Variants in PPARD observed in about 807,000 individuals in gnomAD.
The protein encoded by PPARD is peroxisome proliferator activated receptor delta.
A neutral mutation model predicts 39.5 loss-of-function variants in PPARD; 6 were observed. The ratio of observed to expected loss-of-function variants is 0.15; its 90% CI spans 0.08 to 0.30. The LOEUF is 0.30. PPARD is among the 10% of genes least tolerant of loss of function. The pLI, the probability that PPARD is intolerant of heterozygous loss-of-function variation, is 1.00. For missense variants in PPARD, 397 were observed against 596.8 expected, an observed-to-expected ratio of 0.67 and a Z score of 3.49; for synonymous variants, 210 against 231.3, an observed-to-expected ratio of 0.91 and a Z score of 0.83.
intron 1 of PPARD, among the ~76,000 whole-genome samples, chr6:35,343,636 G>T (rs1260660211): frequency 6.6e-6 from 1 of 152,238 alleles, no homozygotes; most frequent in Admixed American, 6.5e-5. Flanking sequence ...CATCAGAGAT[G>T]ATGTCCAATT....
In PPARD at chr6:35,424,422, A is replaced by G; in HGVS notation, c.721A>G (p.Ile241Val). Reference sequence around the variant, plus strand: ...GAATGGCCTGCCTCCCTACAAGGAGATCAGCGTGCACGTCTTCTACCGCTG... The same window carrying G: ...GAATGGCCTGCCTCCCTACAAGGAGGTCAGCGTGCACGTCTTCTACCGCTG... ...LVNGLPPYKE[I>V]SVHVFYRCQC... is the part of the protein sequence containing the mutation. The change falls in exon 7 of 8, where the codon ATC becomes GTC. Residue 241 changes from isoleucine to valine, a missense_variant. Transcript: ENST00000360694. The surrounding 1 kb of genome is among the most constrained non-coding windows in gnomAD (Gnocchi z 7.1). 6.2e-7 allele frequency: 1 copy of G among 1,614,106 alleles called. No individual in the cohort carries two copies. Among genetic ancestry groups the G allele is most frequent in the African/African-American group, 1.3e-5 (1 of 75,032 alleles).
At position 35,424,520 on chromosome 6, in the gene PPARD, C is replaced by G. The variant is rs1238302187; in HGVS notation, c.819C>G (p.Leu273=). The change falls in exon 7 of 8, where the codon CTC becomes CTG. Residue 273 remains leucine (L), a synonymous_variant. Transcript: ENST00000360694. This position sits in a 1 kb window ranked among gnomAD's most constrained non-coding sequence, Gnocchi z 7.1. ...AGAGCATCCCCAGCTTCAGCAGCCT[C>G]TTCCTCAACGACCAGGTTACCCTTC... ...FAKSIPSFSS[L]FLNDQVTLLK... is the part of the protein sequence containing the mutation. 6.2e-7 allele frequency: 1 copy of G among 1,614,240 alleles called. No homozygotes were observed. Among genetic ancestry groups the G allele is most frequent in the Non-Finnish European group, 8.5e-7 (1 of 1,180,048 alleles).
intron 2 of PPARD, among the ~76,000 whole-genome samples, chr6:35,404,953 TTGTGTGTG>T (rs59359748): frequency 0.028 from 4,050 of 142,134 alleles, 77 homozygotes; most frequent in South Asian, 0.049. Context: ...ACTGCAGGCT[TTGTGTGTG>T]TGTGTGTGTG....
At chr6:35,345,370 C>T (rs1562162003) in intron 1 of PPARD, among the ~76,000 whole-genome samples, 1 of 152,092 alleles carries the variant, frequency 6.6e-6, no homozygotes, top group Admixed American at 6.6e-5. Context: ...ACTGTAACCT[C>T]GAACTCCTGG....
chr6:35,419,467 G>A lies in PPARD; in HGVS notation c.131-660G>A, dbSNP rs760546487. Reference sequence around the variant, plus strand: ...CACCCCGTGGTTCAAACATCTATACGTCTGATAGAAAAACTTGGAGAAATT... The same window carrying A: ...CACCCCGTGGTTCAAACATCTATACATCTGATAGAAAAACTTGGAGAAATT... On this transcript the variant is annotated intron_variant, in intron 3 of 7. Transcript: ENST00000360694. Among the ~76,000 whole-genome samples the A allele has an allele frequency of 5.0e-4, 76 of 152,268 alleles. No individual in the cohort carries two copies. In the Middle Eastern group the frequency reaches 0.01, roughly 20 times the overall value.
At chr6:35,422,002 A>G in intron 5 of PPARD, 44 bp downstream of exon 5, 1 of 1,557,890 alleles carries the variant, frequency 6.4e-7, no homozygotes, top group Non-Finnish European at 8.7e-7. Flanking sequence ...GGCTCCACAC[A>G]GCCTGAAACC....
intron 2 of PPARD, among the ~76,000 whole-genome samples, chr6:35,370,690 C>T (rs943043872): frequency 6.6e-6 from 1 of 152,192 alleles, no homozygotes; most frequent in Non-Finnish European, 1.5e-5. Context: ...GGATGCAGGG[C>T]AGGTCTTCCC....
intron 3 of PPARD, among the ~76,000 whole-genome samples, chr6:35,411,638 A>T (rs891043764): frequency 7.2e-5 from 11 of 152,218 alleles, no homozygotes; most frequent in African/African-American, 2.7e-4. Context: ...ACACAGTTCA[A>T]TTGGTCTGGT....
At chr6:35,391,145 T>C (rs1395963095) in intron 2 of PPARD, among the ~76,000 whole-genome samples, 1 of 152,232 alleles carries the variant, frequency 6.6e-6, no homozygotes, top group Non-Finnish European at 1.5e-5. Context: ...CTATCTGATA[T>C]AGACATCTGA....
chr6:35,378,807 C>T (rs1055674371), intron 2 of PPARD, among the ~76,000 whole-genome samples: 3 of 152,148 alleles, frequency 2.0e-5, no homozygotes, highest in Non-Finnish European at 4.4e-5. Context: ...GACTTAACAA[C>T]TAAAAAGGGC....
intron 2 of PPARD, among the ~76,000 whole-genome samples, chr6:35,381,169 C>T (rs1377273999): frequency 6.6e-6 from 1 of 152,058 alleles, no homozygotes; most frequent in African/African-American, 2.4e-5. Context: ...TCAGTGTCTC[C>T]TCCTCCTCCT....
chr6:35,388,671 C>T (rs1429254695), intron 2 of PPARD, among the ~76,000 whole-genome samples: 2 of 152,040 alleles, frequency 1.3e-5, no homozygotes, highest in African/African-American at 2.4e-5. Flanking sequence ...GAGATCGCGC[C>T]ACTGCACTCC....
chr6:35,423,710 CA>C (rs987258197), intron 5 of PPARD, among the ~76,000 whole-genome samples: 17 of 147,300 alleles, frequency 1.2e-4, no homozygotes, highest in African/African-American at 4.3e-4. Flanking sequence ...GCACTGTGAA[CA>C]AAACAGACAA....
intron 2 of PPARD, among the ~76,000 whole-genome samples, chr6:35,402,128 A>C (rs1374001730): frequency 1.3e-5 from 2 of 152,234 alleles, no homozygotes; most frequent in Non-Finnish European, 2.9e-5. Context: ...ACCCCAGATT[A>C]TAAAGGTATC....
At chr6:35,411,697 G>C (rs1175997975) in intron 3 of PPARD, among the ~76,000 whole-genome samples, 2 of 152,148 alleles carry the variant, frequency 1.3e-5, no homozygotes, top group Non-Finnish European at 2.9e-5. Flanking sequence ...AGATAAAAAT[G>C]CTAAGCAGTT....
chr6:35,398,007 G>A (rs779284685), intron 2 of PPARD, among the ~76,000 whole-genome samples: 2 of 152,180 alleles, frequency 1.3e-5, no homozygotes, highest in Non-Finnish European at 2.9e-5. Flanking sequence ...CTGCTGTGTC[G>A]AGACCAGCAG....
chr6:35,348,823 T>C (rs1349953180), intron 2 of PPARD: 1 of 985,242 alleles, frequency 1.0e-6, no homozygotes. Context: ...TTCAGAGACT[T>C]CTGAGGTTCC....
intron 2 of PPARD, among the ~76,000 whole-genome samples, chr6:35,383,686 G>A (rs1296999623): frequency 4.7e-4 from 64 of 136,222 alleles, no homozygotes; most frequent in Non-Finnish European, 6.4e-4. Flanking sequence ...CCGCCGCCCC[G>A]TCTGGGATGT....
In PPARD at chr6:35,425,271, C is replaced by T; in HGVS notation, c.1078+492C>T. The T allele has an allele frequency of 3.0e-6, 3 of 1,000,554 alleles. No individual in the cohort carries two copies. Among genetic ancestry groups the T allele is most frequent in the Non-Finnish European group, 3.6e-6 (3 of 838,058 alleles). The allele number at this position is 1,000,554 out of a possible 1,614,324, so 62.0% of individuals were successfully genotyped here. On this transcript the variant is annotated intron_variant, in intron 7 of 7. Transcript: ENST00000360694. This position sits in a 1 kb window ranked among gnomAD's most constrained non-coding sequence, Gnocchi z 4.5. Reference sequence around the variant, plus strand: ...CCTGGGTGACAGAGTGAGACCCTGTCTCAAAAAAAAGGAAAAGGACTAACA... The same window carrying T: ...CCTGGGTGACAGAGTGAGACCCTGTTTCAAAAAAAAGGAAAAGGACTAACA...
Sources: allele counts gnomAD v4.1 joint callset (sites outside exome capture counted in the v4.1 genomes callset), GRCh38; gene constraint gnomAD v4.1.1; non-coding constraint Gnocchi (gnomAD v3.1); transcripts MANE v1.5; gene names NCBI Gene and HGNC (gene_info 2026-07-23, HGNC 2026-07-21).